Variants in SPTAN1 observed in about 807,000 individuals in gnomAD.
SPTAN1 encodes spectrin alpha chain, non-erythrocytic 1.
In SPTAN1, 61 loss-of-function variants were observed where a neutral mutation model predicts 331.3. The observed-to-expected ratio is 0.18, with a 90% CI of 0.15 to 0.23. The LOEUF (loss-of-function observed/expected upper bound fraction) is 0.23. Among genes scored for constraint, SPTAN1 ranks in the 10% least tolerant of loss-of-function variants. The probability of loss-of-function intolerance (pLI) is 1.00; values close to 1 mark genes in which losing one functional copy is unlikely to be tolerated. For missense variants in SPTAN1, 2,043 were observed against 3,147.9 expected, an observed-to-expected ratio of 0.65 and a Z score of 8.40; for synonymous variants, 1,153 against 1,173.9, an observed-to-expected ratio of 0.98 and a Z score of 0.36.
Position 128,627,208 on chromosome 9 carries a change from G to A in SPTAN1, c.6577-178G>A, listed in dbSNP as rs1304831680. On this transcript the variant is annotated intron_variant, in intron 49 of 56. Coordinates refer to ENST00000372739, the MANE Select transcript of SPTAN1 (RefSeq NM_001130438.3). This position sits in a 1 kb window ranked among gnomAD's most constrained non-coding sequence, Gnocchi z 4.9. The stretch of plus-strand genomic sequence containing the variant: ...TCTTCCTTGAAGCCCCTGGGGGGTG[G>A]GAACAGAGAAAGAACTACCAAGTGC... The A allele has an allele frequency of 1.5e-6, 1 of 657,570 alleles. No homozygotes were observed. The highest frequency in any genetic ancestry group is 2.7e-6 in the Non-Finnish European group (1 of 364,782). 40.7% of individuals were successfully genotyped at this position (657,570 alleles called of 1,614,324 possible).
At chr9:128,628,349 C>A in intron 51 of SPTAN1, 1 of 375,608 alleles carries the variant, frequency 2.7e-6, no homozygotes, top group Non-Finnish European at 5.2e-6. Context: ...AAGCAGATGG[C>A]AGTGCTGGGG....
chr9:128,584,553 C>A (rs1852335022), intron 17 of SPTAN1, 28 bp downstream of exon 17: 2 of 1,613,944 alleles, frequency 1.2e-6, no homozygotes, highest in South Asian at 2.2e-5. Context: ...AGGTAGGAAT[C>A]AACTTGGGAA....
At chr9:128,589,290 C>CTTTTTT (rs1171749676) in intron 21 of SPTAN1, among the ~76,000 whole-genome samples, 13 of 126,962 alleles carry the variant, frequency 1.0e-4, no homozygotes, top group East Asian at 2.3e-4. Context: ...TTTTTCTTTT[C>CTTTTTT]TTTTTTTTTT....
chr9:128,561,834 C>T (rs1001075519), intron 1 of SPTAN1, among the ~76,000 whole-genome samples: 1 of 151,960 alleles, frequency 6.6e-6, no homozygotes, highest in Non-Finnish European at 1.5e-5. Context: ...AATTATAAAA[C>T]GATGGCAGTT....
intron 18 of SPTAN1, 60 bp downstream of exon 18, chr9:128,584,903 C>T (rs1419988734): frequency 4.1e-5 from 66 of 1,610,000 alleles, no homozygotes; most frequent in Non-Finnish European, 4.7e-5. Flanking sequence ...CCCTTCTTGC[C>T]GAGGGCATGG....
At chr9:128,573,871 C>T (rs1234234608) in intron 3 of SPTAN1, among the ~76,000 whole-genome samples, 1 of 152,210 alleles carries the variant, frequency 6.6e-6, no homozygotes, top group African/African-American at 2.4e-5. Context: ...TCTCCTGCCT[C>T]AGCCTTCTGA....
At position 128,625,335 on chromosome 9, in the gene SPTAN1, TGG is replaced by T. The variant is rs1858572832; in HGVS notation, c.6069+159_6069+160del. Among the ~76,000 whole-genome samples, 1 of 152,094 alleles carries T rather than the reference TGG, an allele frequency of 6.6e-6. No homozygotes were observed. Among genetic ancestry groups the T allele is most frequent in the Non-Finnish European group, 1.5e-5 (1 of 68,002 alleles). Reference sequence around the variant, plus strand: ...GTCCTCAGGGAGCTTCCAGACTAACTGGGGAAGCAGACACAGAACCAGGCATC... The same window carrying T: ...GTCCTCAGGGAGCTTCCAGACTAACTGGAAGCAGACACAGAACCAGGCATC... On this transcript the variant is annotated intron_variant, in intron 47 of 56. Coordinates refer to ENST00000372739, the MANE Select transcript of SPTAN1 (RefSeq NM_001130438.3). This position sits in a 1 kb window ranked among gnomAD's most constrained non-coding sequence, Gnocchi z 4.1.
intron 18 of SPTAN1, among the ~76,000 whole-genome samples, chr9:128,585,512 G>A (rs1162664328): frequency 1.3e-5 from 2 of 152,102 alleles, no homozygotes; most frequent in Non-Finnish European, 2.9e-5. Context: ...ATGCCAACTT[G>A]CGATATCTGC....
intron 45 of SPTAN1, chr9:128,622,121 G>C (rs1857946106): frequency 6.6e-6 from 1 of 152,222 alleles, no homozygotes; most frequent in Non-Finnish European, 1.5e-5. Context: ...TCCTTGCTCT[G>C]ATCTGCAAAT....
rs535930696 is a variant in SPTAN1, at chr9:128,554,769, A to G, written c.-4+2073A>G. On this transcript the variant is annotated intron_variant, in intron 1 of 56. Coordinates refer to ENST00000372739, the MANE Select transcript of SPTAN1 (RefSeq NM_001130438.3). ...GAGGAGGAGGAGGACTGCATAGCTC[A>G]TCACTGGGGGCCACTTGACTGGAGC... Among the ~76,000 whole-genome samples the G allele has an allele frequency of 1.5e-4, 23 of 152,372 alleles. No individual in the cohort carries two copies. In the South Asian group the frequency reaches 4.3e-3, roughly 29 times the overall value.
Position 128,598,434 on chromosome 9 carries a change from T to C in SPTAN1, c.3449T>C (p.Ile1150Thr). 6.2e-7 allele frequency: 1 copy of C among 1,613,484 alleles called. No homozygotes were observed. The change falls in exon 25 of 57, where the codon ATT becomes ACT. Residue 1150 changes from isoleucine to threonine, a missense_variant. This residue lies in a region of SPTAN1 where 1,038 missense variants were observed against 1,531.5 expected (regional missense o/e 0.68). Transcript: ENST00000372739. The stretch of plus-strand genomic sequence containing the variant: ...GCCAATGAGTCACGGTTGAAGGACA[T>C]TAACAAGGTAGCTGAAGACCTGGAG... ...LKANESRLKD[I>T]NKVAEDLESE...
At chr9:128,590,981 G>T (rs1853420243) in intron 21 of SPTAN1, among the ~76,000 whole-genome samples, 1 of 152,230 alleles carries the variant, frequency 6.6e-6, no homozygotes, top group South Asian at 2.1e-4. Flanking sequence ...TTGCTCTTCT[G>T]CCTGTGACCC....
chr9:128,577,334 G>C lies in SPTAN1; in HGVS notation c.931-18G>C. On this transcript the variant is annotated intron_variant, in intron 7 of 56. Transcript: ENST00000372739. This position sits in a 1 kb window ranked among gnomAD's most constrained non-coding sequence, Gnocchi z 4.2. ...TACCAAGGGTCAGGAGAATAGTTCT[G>C]ACGGAGTTCATTTCTAGGTCAAAGC... is the stretch of plus-strand genomic sequence containing the variant. The C allele has an allele frequency of 6.2e-7, 1 of 1,614,206 alleles. No individual in the cohort carries two copies. Among genetic ancestry groups the C allele is most frequent in the Non-Finnish European group, 8.5e-7 (1 of 1,180,040 alleles).
chr9:128,578,362 C>G (rs1477901775), intron 9 of SPTAN1, 117 bp downstream of exon 9: 1 of 1,331,198 alleles, frequency 7.5e-7, no homozygotes, highest in Non-Finnish European at 1.1e-6. Context: ...ACAGGTGTTT[C>G]TCATCATGAG....
Position 128,621,097 on chromosome 9 carries a change from G to C in SPTAN1, c.5734-61G>C, listed in dbSNP as rs960401936. 4 of 1,483,230 alleles carry C rather than the reference G, an allele frequency of 2.7e-6. No individual in the cohort carries two copies. In the African/African-American group the frequency reaches 4.1e-5, roughly 15 times the overall value. 91.9% of individuals were successfully genotyped at this position (1,483,230 alleles called of 1,614,324 possible). On this transcript the variant is annotated intron_variant, in intron 44 of 56. Transcript: ENST00000372739. ...GCAGTTTTGTCACTCTCTGTCCCCG[G>C]GGCCTAGCCCACAACACATAGCAGG... is the stretch of plus-strand genomic sequence containing the variant.
chr9:128,583,361 A>G (rs928116177), intron 15 of SPTAN1, 80 bp downstream of exon 15: 5 of 1,398,030 alleles, frequency 3.6e-6, no homozygotes, highest in East Asian at 2.4e-5. Context: ...TTAGGGACAT[A>G]TACCCCCCAA....
intron 45 of SPTAN1, chr9:128,621,544 T>G: frequency 2.0e-6 from 1 of 504,756 alleles, no homozygotes; most frequent in African/African-American, 1.9e-5. Context: ...AGTCTCTTTA[T>G]AGGGACAGTA....
rs1002340848 is a variant in SPTAN1, at chr9:128,618,728, C to T, written c.5601-143C>T. The stretch of plus-strand genomic sequence containing the variant: ...TCGATCTCCTGATCTCGTGATCTGC[C>T]CGCCTCGGCCTCCCAAAGTGCTGGG... On this transcript the variant is annotated intron_variant, in intron 43 of 56. Transcript: ENST00000372739. The T allele has an allele frequency of 1.2e-5, 14 of 1,191,552 alleles. No individual in the cohort carries two copies. In the African/African-American group the frequency reaches 1.8e-4, roughly 15 times the overall value. The allele number at this position is 1,191,552 out of a possible 1,614,324, so 73.8% of individuals were successfully genotyped here.
intron 43 of SPTAN1, 62 bp downstream of exon 43, chr9:128,618,170 T>C: frequency 6.2e-7 from 1 of 1,607,730 alleles, no homozygotes. Context: ...AAGGGCAGAC[T>C]CTGAGCTGTG....
Sources: gnomAD v4.1 joint callset for allele counts (sites outside exome capture counted in the v4.1 genomes callset) on GRCh38, gnomAD v4.1.1 for gene constraint, gnomAD v4.1.1 regional missense constraint, Gnocchi (gnomAD v3.1) non-coding constraint, MANE v1.5 for transcripts, NCBI Gene and HGNC (gene_info 2026-07-23, HGNC 2026-07-21) for gene names.